The following MEIS1 variants were observed in gnomAD, a reference collection of about 807,000 sequenced individuals.
MEIS1 encodes the protein homeobox protein Meis1.
Under a neutral mutation model 50.8 loss-of-function variants are expected in MEIS1, and 5 were observed. The ratio of observed to expected loss-of-function variants is 0.10; its 90% CI spans 0.05 to 0.21. MEIS1 has a LOEUF of 0.21. MEIS1 is among the 10% of genes least tolerant of loss of function. The pLI, the probability that MEIS1 is intolerant of heterozygous loss-of-function variation, is 1.00. For synonymous variants in MEIS1, 176 were observed against 179.3 expected (o/e 0.98, Z 0.15); for missense variants, 318 against 517.3 (o/e 0.61, Z 3.74).
intron 7 of MEIS1, among the ~76,000 whole-genome samples, chr2:66,471,580 C>G (rs745988487): frequency 3.4e-4 from 52 of 152,298 alleles, no homozygotes; most frequent in South Asian, 8.3e-4. Flanking sequence ...CTAGAATTGA[C>G]TACTTTTGTC....
intron 6 of MEIS1, chr2:66,443,728 A>G (rs1672057667): frequency 6.6e-6 from 1 of 152,420 alleles, no homozygotes; most frequent in Admixed American, 6.5e-5. Context: ...CTCATCCTCC[A>G]GCTGGTATGT....
At chr2:66,489,577 G>A (rs924795121) in intron 7 of MEIS1, among the ~76,000 whole-genome samples, 1 of 152,170 alleles carries the variant, frequency 6.6e-6, no homozygotes, top group South Asian at 2.1e-4. Context: ...GCATTGTGGA[G>A]AATATCACCC....
intron 6 of MEIS1, among the ~76,000 whole-genome samples, chr2:66,455,824 A>G (rs1432515183): frequency 1.3e-5 from 2 of 152,166 alleles, no homozygotes; most frequent in Non-Finnish European, 1.5e-5. Context: ...ATTCCATTAC[A>G]ATGTAATTAA....
intron 9 of MEIS1, among the ~76,000 whole-genome samples, chr2:66,559,485 G>A (rs977382379): frequency 1.3e-5 from 2 of 152,156 alleles, no homozygotes; most frequent in South Asian, 2.1e-4. Context: ...TAATGTGTAA[G>A]GGATGTTTTG....
intron 7 of MEIS1, among the ~76,000 whole-genome samples, chr2:66,492,136 G>A (rs537653010): frequency 2.6e-4 from 39 of 150,038 alleles, no homozygotes; most frequent in Non-Finnish European, 5.9e-5. Flanking sequence ...AGTGGAGGGG[G>A]GCTAGAGGGG....
chr2:66,514,951 TTTG>T (rs1157549313), intron 8 of MEIS1, among the ~76,000 whole-genome samples: 2 of 152,160 alleles, frequency 1.3e-5, no homozygotes, highest in Admixed American at 6.6e-5. Flanking sequence ...TAAAGAGAGT[TTTG>T]TTGTTGTTTG....
chr2:66,482,810 A>C (rs1194225559), intron 7 of MEIS1, among the ~76,000 whole-genome samples: 2 of 152,160 alleles, frequency 1.3e-5, no homozygotes, highest in Admixed American at 1.3e-4. Flanking sequence ...TTTAGGAGTT[A>C]CCTGCTGTCT....
intron 6 of MEIS1, among the ~76,000 whole-genome samples, chr2:66,462,219 G>T (rs565292414): frequency 6.6e-6 from 1 of 152,300 alleles, no homozygotes; most frequent in South Asian, 2.1e-4. Flanking sequence ...TTCTGATGAG[G>T]TTGGTCTGTG....
intron 7 of MEIS1, among the ~76,000 whole-genome samples, chr2:66,484,268 A>T (rs1248248127): frequency 6.6e-6 from 1 of 152,140 alleles, no homozygotes; most frequent in Non-Finnish European, 1.5e-5. Flanking sequence ...GAAGGTGCTG[A>T]CTACCCGCTC....
intron 9 of MEIS1, among the ~76,000 whole-genome samples, chr2:66,559,637 G>A (rs10179931): frequency 0.029 from 4,448 of 152,072 alleles, 235 homozygotes; most frequent in African/African-American, 0.1. Context: ...CATTAGTAGA[G>A]GAAGTTTTGC....
At chr2:66,458,051 A>G (rs1439185244) in intron 6 of MEIS1, among the ~76,000 whole-genome samples, 1 of 152,170 alleles carries the variant, frequency 6.6e-6, no homozygotes, top group Non-Finnish European at 1.5e-5. Flanking sequence ...TTATTTCATC[A>G]GTTTCTACGT....
chr2:66,452,278 G>A (rs535706777), intron 6 of MEIS1, among the ~76,000 whole-genome samples: 28 of 151,986 alleles, frequency 1.8e-4, no homozygotes, highest in Admixed American at 7.2e-4. Context: ...AGTGTCAGGA[G>A]TAACCACCCT....
rs1428007501 is a variant in MEIS1 at position 66,572,265 on chromosome 2, C to G, written c.*1057C>G. ...CACATCAAGCATCATTGTCCCCATG[C>G]AACAACCACCACCTTATACATCACT... On this transcript the variant is annotated 3_prime_UTR_variant, in exon 13 of 13. Coordinates refer to ENST00000272369, the MANE Select transcript of MEIS1 (RefSeq NM_002398.3). 2 of 152,128 alleles carry G rather than the reference C, an allele frequency of 1.3e-5. No homozygotes were observed. Among genetic ancestry groups the G allele is most frequent in the African/African-American group, 4.8e-5 (2 of 41,350 alleles). 9.4% of individuals were successfully genotyped at this position (152,128 alleles called of 1,614,324 possible).
At chr2:66,505,816 T>C (rs1278043151) in intron 7 of MEIS1, among the ~76,000 whole-genome samples, 23 of 152,260 alleles carry the variant, frequency 1.5e-4, no homozygotes, top group Admixed American at 1.5e-3. Context: ...TTCTGATACC[T>C]TAACTCTTAG....
chr2:66,517,089 G>A (rs1298048514), intron 8 of MEIS1, among the ~76,000 whole-genome samples: 1 of 152,110 alleles, frequency 6.6e-6, no homozygotes, highest in South Asian at 2.1e-4. Flanking sequence ...TACTCTGCCA[G>A]TTTGAACAGT....
intron 7 of MEIS1, among the ~76,000 whole-genome samples, chr2:66,501,882 A>G (rs1292340972): frequency 2.0e-5 from 3 of 151,114 alleles, no homozygotes; most frequent in African/African-American, 7.3e-5. Context: ...TTTTTTTTTC[A>G]TTCTATGAAA....
chr2:66,565,717 G>A (rs997405819), intron 9 of MEIS1, among the ~76,000 whole-genome samples: 1 of 152,064 alleles, frequency 6.6e-6, no homozygotes, highest in Non-Finnish European at 1.5e-5. Context: ...TAAAAAGTCT[G>A]GAAAAAGAAA....
chr2:66,482,337 G>A (rs947354308), intron 7 of MEIS1, among the ~76,000 whole-genome samples: 2 of 152,132 alleles, frequency 1.3e-5, no homozygotes, highest in Admixed American at 6.5e-5. Context: ...GCAGAGATTG[G>A]TGTCTCTATT....
At chr2:66,454,123 C>T (rs140642605) in intron 6 of MEIS1, among the ~76,000 whole-genome samples, 333 of 152,096 alleles carry the variant, frequency 2.2e-3, no homozygotes, top group Non-Finnish European at 3.7e-3. Context: ...TATTGAGTTA[C>T]TGTAAGAACT....
Sources: allele counts gnomAD v4.1 joint callset (sites outside exome capture counted in the v4.1 genomes callset), GRCh38; gene constraint gnomAD v4.1.1; transcripts MANE v1.5; gene names NCBI Gene and HGNC (gene_info 2026-07-23, HGNC 2026-07-21).